FTO: variants seen among roughly 807,000 people sequenced by gnomAD.
FTO encodes FTO alpha-ketoglutarate dependent dioxygenase.
FTO carries 47 observed loss-of-function variants against 63.9 expected under a neutral mutation model. That is an observed-to-expected ratio of 0.74 (90% CI 0.58 to 0.94). The LOEUF is 0.94. Ranked by LOEUF, FTO falls within the 40% of genes least tolerant of loss-of-function variation. The pLI, the probability that FTO is intolerant of heterozygous loss-of-function variation, is 0.00. For missense variants in FTO, 562 were observed against 618.1 expected (o/e 0.91, Z 0.96); for synonymous variants, 207 against 224.4 (o/e 0.92, Z 0.69).
chr16:53,826,640 C>T (rs2079014451), intron 3 of FTO, 149 bp downstream of exon 3: 2 of 746,932 alleles, frequency 2.7e-6, no homozygotes. Context: ...TATCATGTGT[C>T]CTTTTTAGTC....
At chr16:53,825,320 G>C (rs538955916) in intron 2 of FTO, among the ~76,000 whole-genome samples, 1 of 152,286 alleles carries the variant, frequency 6.6e-6, no homozygotes, top group East Asian at 1.9e-4. Flanking sequence ...TTGGTGTCCA[G>C]GGGCTTTAAA....
chr16:54,061,274 C>T (rs1264162434), intron 8 of FTO, among the ~76,000 whole-genome samples: 3 of 152,186 alleles, frequency 2.0e-5, no homozygotes, highest in Non-Finnish European at 4.4e-5. Flanking sequence ...GGTTCTGCAG[C>T]CTTGTCCCTT....
At chr16:53,905,157 T>G (rs1174538989) in intron 7 of FTO, among the ~76,000 whole-genome samples, 2 of 152,064 alleles carry the variant, frequency 1.3e-5, no homozygotes, top group Non-Finnish European at 2.9e-5. Context: ...CATGCTATGT[T>G]GTAAAGTGAG....
intron 4 of FTO, among the ~76,000 whole-genome samples, chr16:53,863,905 C>T (rs894478006): frequency 3.3e-5 from 5 of 152,160 alleles, no homozygotes; most frequent in Non-Finnish European, 4.4e-5. Flanking sequence ...CTATATTCAG[C>T]GCAATCATTT....
At chr16:53,726,099 G>A (rs2076147069) in intron 1 of FTO, among the ~76,000 whole-genome samples, 1 of 152,094 alleles carries the variant, frequency 6.6e-6, no homozygotes, top group African/African-American at 2.4e-5. Flanking sequence ...ATAAGAGCCC[G>A]AACTTAGAAT....
intron 7 of FTO, among the ~76,000 whole-genome samples, chr16:53,891,399 G>A (rs1342551780): frequency 1.3e-5 from 2 of 150,154 alleles, no homozygotes; most frequent in Admixed American, 6.6e-5. Context: ...GGTGGCTAAT[G>A]CCTGTCTTCT....
chr16:53,745,576 G>T (rs2076631391), intron 1 of FTO, among the ~76,000 whole-genome samples: 1 of 152,194 alleles, frequency 6.6e-6, no homozygotes, highest in South Asian at 2.1e-4. Flanking sequence ...ACAAAGATAA[G>T]ATAGATTTTT....
At chr16:54,026,458 C>T (rs1310490073) in intron 8 of FTO, among the ~76,000 whole-genome samples, 2 of 152,166 alleles carry the variant, frequency 1.3e-5, no homozygotes, top group African/African-American at 4.8e-5. Context: ...TACCTAGACT[C>T]CATTACCTAA....
intron 3 of FTO, among the ~76,000 whole-genome samples, chr16:53,841,931 C>G (rs181259706): frequency 2.0e-5 from 3 of 152,324 alleles, no homozygotes; most frequent in Non-Finnish European, 2.9e-5. Context: ...CGTTGAACCT[C>G]TCTCCTCTCT....
At chr16:53,998,395 C>A (rs1307620097) in intron 8 of FTO, 1 of 152,234 alleles carries the variant, frequency 6.6e-6, no homozygotes, top group Non-Finnish European at 1.5e-5. Context: ...TTTTACAGTA[C>A]CATGTATCTG....
chr16:53,997,740 A>G (rs146284776), intron 8 of FTO, among the ~76,000 whole-genome samples: 293 of 151,990 alleles, frequency 1.9e-3, no homozygotes, highest in African/African-American at 6.7e-3. Context: ...GATGGCTACA[A>G]ATGTGTCTGT....
At chr16:53,936,320 C>G (rs750157997) in intron 8 of FTO, among the ~76,000 whole-genome samples, 3 of 152,216 alleles carry the variant, frequency 2.0e-5, no homozygotes, top group Non-Finnish European at 4.4e-5. Flanking sequence ...GTCTTGAGAT[C>G]TCAGAAGGAA....
At chr16:54,017,951 A>G (rs1271408931) in intron 8 of FTO, among the ~76,000 whole-genome samples, 1 of 152,124 alleles carries the variant, frequency 6.6e-6, no homozygotes, top group African/African-American at 2.4e-5. Flanking sequence ...GCAGGAAAAA[A>G]ATAACTCACC....
intron 4 of FTO, among the ~76,000 whole-genome samples, chr16:53,847,409 GT>G (rs1412481546): frequency 6.6e-6 from 1 of 152,232 alleles, no homozygotes; most frequent in African/African-American, 2.4e-5. Context: ...AAGAAAAGAA[GT>G]TAATGATATT....
At chr16:53,813,365 C>T (rs1203412244) in intron 2 of FTO, among the ~76,000 whole-genome samples, 1 of 152,032 alleles carries the variant, frequency 6.6e-6, no homozygotes, top group African/African-American at 2.4e-5. Context: ...GCACCTGCCA[C>T]CATGCCTGCC....
At chr16:53,869,137 C>G (rs2080415811) in intron 4 of FTO, among the ~76,000 whole-genome samples, 1 of 152,054 alleles carries the variant, frequency 6.6e-6, no homozygotes, top group African/African-American at 2.4e-5. Flanking sequence ...TGGTCTGTTT[C>G]TCCTTTACTT....
intron 7 of FTO, among the ~76,000 whole-genome samples, chr16:53,899,230 CTT>C (rs36083917): frequency 1.2e-3 from 178 of 147,794 alleles, no homozygotes; most frequent in Admixed American, 2.3e-3. Flanking sequence ...TATGGAAAAT[CTT>C]TTTTTTTTTT....
intron 8 of FTO, among the ~76,000 whole-genome samples, chr16:54,075,358 A>T (rs537388109): frequency 1.8e-4 from 28 of 152,318 alleles, no homozygotes; most frequent in African/African-American, 6.5e-4. Flanking sequence ...AGAATCTGAC[A>T]GTGTCAATCC....
At position 53,945,414 on chromosome 16, in the gene FTO, A is replaced by G. The variant is rs115001698; in HGVS notation, c.1364+11305A>G. Among the ~76,000 whole-genome samples, 631 of 152,342 alleles carry G rather than the reference A, an allele frequency of 4.1e-3. 2 individuals are homozygous for G. The highest frequency in any genetic ancestry group is 0.015 in the African/African-American group (608 of 41,580). ...AACAGCTAGTAAGTAGTGAAGATGG[A>G]ATTTAAGCCAAGACGGCCCAGGTTG... On this transcript the variant is annotated intron_variant, in intron 8 of 8. Transcript: ENST00000471389.
Sources: gnomAD v4.1 joint callset for allele counts (sites outside exome capture counted in the v4.1 genomes callset) on GRCh38, gnomAD v4.1.1 for gene constraint, MANE v1.5 for transcripts, NCBI Gene and HGNC (gene_info 2026-07-23, HGNC 2026-07-21) for gene names.